Variants in VWC2L observed in about 807,000 individuals in gnomAD.
The protein encoded by VWC2L is von Willebrand factor C domain-containing protein 2-like.
Under a neutral mutation model 21.6 loss-of-function variants are expected in VWC2L, and 10 were observed. The ratio of observed to expected loss-of-function variants is 0.46; its 90% CI spans 0.29 to 0.78. The LOEUF (loss-of-function observed/expected upper bound fraction) is 0.78, where lower values mean the gene tolerates loss of function less well. VWC2L is among the 30% of genes least tolerant of loss of function. The pLI is 0.10. For synonymous variants in VWC2L, 96 were observed against 94.3 expected (o/e 1.02, Z -0.10); for missense variants, 209 against 277.1 (o/e 0.75, Z 1.74).
chr2:214,479,295 A>AT (rs1370964105), intron 3 of VWC2L, among the ~76,000 whole-genome samples: 2 of 152,148 alleles, frequency 1.3e-5, no homozygotes, highest in East Asian at 1.9e-4. Flanking sequence ...AAAATATCTT[A>AT]TTTTTTGATA....
intron 3 of VWC2L, among the ~76,000 whole-genome samples, chr2:214,510,591 C>G (rs1361410555): frequency 6.6e-6 from 1 of 152,150 alleles, no homozygotes; most frequent in Non-Finnish European, 1.5e-5. Flanking sequence ...AAGGACTTGT[C>G]AATCTAATAT....
chr2:214,494,773 A>G (rs775879576), intron 3 of VWC2L, among the ~76,000 whole-genome samples: 19 of 145,044 alleles, frequency 1.3e-4, no homozygotes, highest in South Asian at 8.7e-4. Flanking sequence ...TTATAGCACT[A>G]GGTACTTTTT....
chr2:214,425,584 A>G (rs575229019), intron 2 of VWC2L, among the ~76,000 whole-genome samples: 1 of 152,274 alleles, frequency 6.6e-6, no homozygotes, highest in African/African-American at 2.4e-5. Context: ...TTAATTTAAT[A>G]TAATAGATAT....
intron 3 of VWC2L, among the ~76,000 whole-genome samples, chr2:214,517,067 G>C (rs1359331520): frequency 6.6e-6 from 1 of 152,124 alleles, no homozygotes; most frequent in African/African-American, 2.4e-5. Flanking sequence ...TTTATTCCCT[G>C]CCACTCAAAT....
intron 3 of VWC2L, among the ~76,000 whole-genome samples, chr2:214,471,043 T>TC (rs1317935333): frequency 2.6e-5 from 4 of 152,142 alleles, no homozygotes; most frequent in Non-Finnish European, 2.9e-5. Context: ...GTACCTTTTT[T>TC]CCCCATGAGT....
chr2:214,439,060 A>G (rs1234400631), intron 3 of VWC2L, among the ~76,000 whole-genome samples: 1 of 152,044 alleles, frequency 6.6e-6, no homozygotes, highest in Non-Finnish European at 1.5e-5. Flanking sequence ...TTGTTATTAA[A>G]TGCCGCTAGT....
chr2:214,488,368 C>T (rs754194075), intron 3 of VWC2L, among the ~76,000 whole-genome samples: 1 of 152,186 alleles, frequency 6.6e-6, no homozygotes, highest in Admixed American at 6.5e-5. Flanking sequence ...GAGGCCAAGG[C>T]AGGTAGATTG....
At chr2:214,496,245 T>TATATATATATATA in intron 3 of VWC2L, among the ~76,000 whole-genome samples, 1 of 142,632 alleles carries the variant, frequency 7.0e-6, no homozygotes, top group East Asian at 2.0e-4. Context: ...TATTACAATC[T>TATATATATATATA]TATGGGACAA....
chr2:214,536,596 A>G (rs1689533288), intron 3 of VWC2L, among the ~76,000 whole-genome samples: 1 of 152,088 alleles, frequency 6.6e-6, no homozygotes, highest in African/African-American at 2.4e-5. Flanking sequence ...AAACAGACTT[A>G]GCTTCCTTTA....
rs1264716405 is a variant in VWC2L, at chr2:214,521,280, A to AATCAAT, written c.521-54392_521-54391insATCAAT. 6.7e-3 allele frequency among the ~76,000 whole-genome samples: 983 copies of AATCAAT among 147,076 alleles called. 6 individuals carry two copies. Among genetic ancestry groups the AATCAAT allele is most frequent in the Middle Eastern group, 0.011 (3 of 280 alleles). ...ATAAATAAATAAATAAATAAATAAA[A>AATCAAT]CTACCAAGTTTGAGCAAACATGCTA... On this transcript the variant is annotated intron_variant, in intron 3 of 3. Transcript: ENST00000312504.
chr2:214,466,078 T>C (rs1383738641), intron 3 of VWC2L, among the ~76,000 whole-genome samples: 4 of 152,218 alleles, frequency 2.6e-5, no homozygotes, highest in African/African-American at 7.2e-5. Context: ...TGATATGATG[T>C]TAAGACCAGG....
chr2:214,513,361 G>T (rs562006750), intron 3 of VWC2L, among the ~76,000 whole-genome samples: 1 of 152,178 alleles, frequency 6.6e-6, no homozygotes, highest in South Asian at 2.1e-4. Context: ...TTTGTGAGCT[G>T]ATTATTGAAT....
chr2:214,530,639 T>C (rs73074624), intron 3 of VWC2L, among the ~76,000 whole-genome samples: 7 of 151,928 alleles, frequency 4.6e-5, no homozygotes, highest in Non-Finnish European at 8.8e-5. Flanking sequence ...AGTGAGAGGA[T>C]AGAAAAGAAA....
intron 3 of VWC2L, among the ~76,000 whole-genome samples, chr2:214,442,803 C>A (rs1197966538): frequency 6.6e-6 from 1 of 151,790 alleles, no homozygotes; most frequent in Non-Finnish European, 1.5e-5. Flanking sequence ...AAAAATGAAG[C>A]TAAAAAGCTA....
At chr2:214,422,109 C>G (rs1274123953) in intron 2 of VWC2L, among the ~76,000 whole-genome samples, 1 of 151,428 alleles carries the variant, frequency 6.6e-6, no homozygotes, top group African/African-American at 2.4e-5. Context: ...AGGATGGTCT[C>G]GATCTCCTGA....
At chr2:214,447,845 G>T (rs1021398674) in intron 3 of VWC2L, among the ~76,000 whole-genome samples, 1 of 152,076 alleles carries the variant, frequency 6.6e-6, no homozygotes, top group African/African-American at 2.4e-5. Context: ...GAAGAAGGAT[G>T]CTGGGTGGTC....
At chr2:214,535,797 AACAC>A (rs10581608) in intron 3 of VWC2L, among the ~76,000 whole-genome samples, 60,717 of 149,956 alleles carry the variant, frequency 0.4, 14,346 homozygotes, top group East Asian at 0.71. Flanking sequence ...GGAAAAATGA[AACAC>A]ACACACACAC....
At chr2:214,412,747 C>A (rs570667934) in intron 1 of VWC2L, among the ~76,000 whole-genome samples, 2 of 152,110 alleles carry the variant, frequency 1.3e-5, no homozygotes, top group South Asian at 2.1e-4. Flanking sequence ...TTCCTAATGT[C>A]ATCTTTATCT....
intron 3 of VWC2L, among the ~76,000 whole-genome samples, chr2:214,494,370 G>A (rs568922357): frequency 3.3e-4 from 50 of 152,260 alleles, no homozygotes; most frequent in Non-Finnish European, 5.4e-4. Context: ...ATGAGTACAA[G>A]ACTATTAGAA....
Sources: allele counts gnomAD v4.1 joint callset (sites outside exome capture counted in the v4.1 genomes callset), GRCh38; gene constraint gnomAD v4.1.1; transcripts MANE v1.5; gene names NCBI Gene and HGNC (gene_info 2026-07-23, HGNC 2026-07-21).